The following SNU13 variants were observed in gnomAD, a reference collection of about 807,000 sequenced individuals.
SNU13 encodes small nuclear ribonucleoprotein 13, also known as NHP2-like protein 1.
In SNU13, 2 loss-of-function variants were observed where a neutral mutation model predicts 12.4. The ratio of observed to expected loss-of-function variants is 0.16; its 90% confidence interval spans 0.07 to 0.51. SNU13 has a LOEUF of 0.51. SNU13 is among the 20% of genes least tolerant of loss of function. The pLI, the probability that SNU13 is intolerant of heterozygous loss-of-function variation, is 0.96. For synonymous variants in SNU13, 68 were observed against 66.5 expected, an observed-to-expected ratio of 1.02 and a Z score of -0.11; for missense variants, 66 against 157.8, an observed-to-expected ratio of 0.42 and a Z score of 3.12.
Position 41,680,414 on chromosome 22 carries a change from T to C in SNU13, c.4-50A>G, listed in dbSNP as rs759617435. On this transcript the variant is annotated intron_variant, in intron 1 of 2. Transcript: ENST00000401959. ...AGACAAATTGAGCCAGAAGTTTTCC[T>C]ACCTGAGTCACAAAATACTAATCAA... is the stretch of plus-strand genomic sequence containing the variant. 3.2e-6 allele frequency: 5 copies of C among 1,580,430 alleles called. No individual in the cohort carries two copies. The South Asian group carries it at 5.7e-5, about 18-fold the overall frequency.
chr22:41,677,141 C>T (rs940334244), intron 2 of SNU13, among the ~76,000 whole-genome samples: 2 of 152,142 alleles, frequency 1.3e-5, no homozygotes, highest in South Asian at 2.1e-4. Context: ...ACCTGAGAAA[C>T]GAACACCCAC....
rs770471718 is a variant in SNU13 at position 41,688,841 on chromosome 22, A to T, written c.-45T>A. On this transcript the variant is annotated 5_prime_UTR_variant, in exon 1 of 3. Coordinates refer to ENST00000401959, the MANE Select transcript of SNU13 (RefSeq NM_001003796.2). ...CAGCACTCCTAGGGGAGCGCAGCTG[A>T]CGTTTCAGAAGCACTCGCGTGCACC... is the stretch of plus-strand genomic sequence containing the variant. The T allele has an allele frequency of 6.4e-7, 1 of 1,564,812 alleles. No individual in the cohort carries two copies. Among genetic ancestry groups the T allele is most frequent in the Non-Finnish European group, 8.7e-7 (1 of 1,146,270 alleles).
At chr22:41,682,446 C>G (rs958487411) in intron 1 of SNU13, 2 of 1,608,470 alleles carry the variant, frequency 1.2e-6, no homozygotes, top group African/African-American at 2.7e-5. Context: ...ACCGCAAGGA[C>G]ACGGATGCCC....
intron 1 of SNU13, among the ~76,000 whole-genome samples, chr22:41,684,799 T>A (rs5758412): frequency 0.83 from 126,524 of 152,136 alleles, 53,603 homozygotes; most frequent in African/African-American, 0.95. Context: ...GATTGAGGCC[T>A]GAAGTTTGAG....
chr22:41,685,245 A>G (rs1395813263), intron 1 of SNU13, among the ~76,000 whole-genome samples: 2 of 151,834 alleles, frequency 1.3e-5, no homozygotes, highest in African/African-American at 2.4e-5. Flanking sequence ...GCATGACAAT[A>G]GCTCACTGCA....
chr22:41,685,043 C>A (rs2068299286), intron 1 of SNU13, among the ~76,000 whole-genome samples: 1 of 150,700 alleles, frequency 6.6e-6, no homozygotes, highest in African/African-American at 2.4e-5. Flanking sequence ...GTAATCCCAG[C>A]TACTTGGAGG....
chr22:41,682,408 T>A (rs1377930115), intron 1 of SNU13: 1 of 1,613,616 alleles, frequency 6.2e-7, no homozygotes, highest in Non-Finnish European at 8.5e-7. Flanking sequence ...ATACCACGCG[T>A]GTCGGTTTGG....
intron 1 of SNU13, chr22:41,682,301 G>T: frequency 1.3e-6 from 2 of 1,547,226 alleles, no homozygotes; most frequent in Non-Finnish European, 1.8e-6. Flanking sequence ...CACGCTCGCG[G>T]CACCACAGCT....
At chr22:41,682,242 T>C (rs1419967863) in intron 1 of SNU13, 1 of 1,161,474 alleles carries the variant, frequency 8.6e-7, no homozygotes, top group South Asian at 1.2e-5. Flanking sequence ...ACCGCGCACC[T>C]GCCTTTTCCT....
rs375863830 is a variant in SNU13, at chr22:41,686,327, C to T, written c.3+2467G>A. On this transcript the variant is annotated intron_variant, in intron 1 of 2. Coordinates refer to ENST00000401959, the MANE Select transcript of SNU13 (RefSeq NM_001003796.2). Reference sequence around the variant, plus strand: ...ATCTTTTTTTTTTTTTTTTAAGAGACGGCATCTCCCTCTGTCGCCCAGGCT... The same window carrying T: ...ATCTTTTTTTTTTTTTTTTAAGAGATGGCATCTCCCTCTGTCGCCCAGGCT... Among the ~76,000 whole-genome samples, 60 of 146,680 alleles carry T rather than the reference C, an allele frequency of 4.1e-4. No homozygotes were observed. The East Asian group carries it at 5.9e-3, about 15-fold the overall frequency.
chr22:41,678,961 TGA>T (rs2068237721), intron 2 of SNU13, among the ~76,000 whole-genome samples: 1 of 152,186 alleles, frequency 6.6e-6, no homozygotes, highest in African/African-American at 2.4e-5. Context: ...TCTATTAAAA[TGA>T]GAGTATTCTG....
chr22:41,680,466 C>CCCTG, intron 1 of SNU13, 102 bp from the exon 2 acceptor site: 3 of 1,300,708 alleles, frequency 2.3e-6, no homozygotes, highest in Non-Finnish European at 3.2e-6. Flanking sequence ...GGCAGCTGCC[C>CCCTG]TGCTCCCTAA....
chr22:41,689,016 A>T, upstream of SNU13: 1 of 1,319,522 alleles, frequency 7.6e-7, no homozygotes, highest in African/African-American at 1.5e-5. Flanking sequence ...TGGCGTTCTT[A>T]TGAGCTGCCT....
chr22:41,680,369 G>A lies in SNU13; in HGVS notation c.4-5C>T, dbSNP rs1191077020. ...TGGATTCACATCAGCCTCAGTCTAT[G>A]GGGGGGACATAAAAATATCAGACAA... On this transcript the variant is annotated splice_region_variant and splice_polypyrimidine_tract_variant and intron_variant, in intron 1 of 2. Transcript: ENST00000401959. The A allele has an allele frequency of 6.3e-7, 1 of 1,598,558 alleles. No individual in the cohort carries two copies. Among genetic ancestry groups the A allele is most frequent in the African/African-American group, 1.4e-5 (1 of 71,600 alleles).
chr22:41,685,471 A>G (rs545248544), intron 1 of SNU13, among the ~76,000 whole-genome samples: 159 of 152,016 alleles, frequency 1.0e-3, no homozygotes, highest in African/African-American at 3.5e-3. Flanking sequence ...CTCCTGCCTC[A>G]GCGTCCTGAG....
Position 41,688,800 on chromosome 22 carries a change from T to C in SNU13, c.-4A>G. The C allele has an allele frequency of 1.2e-6, 2 of 1,600,624 alleles. No homozygotes were observed. Among genetic ancestry groups the C allele is most frequent in the Non-Finnish European group, 1.7e-6 (2 of 1,170,326 alleles). On this transcript the variant is annotated 5_prime_UTR_variant, in exon 1 of 3. Transcript: ENST00000401959. Reference sequence around the variant, plus strand: ...GGCCGGCGCACGCACTCACCATGGCTGCGGTTCCGCGGGCTCAGCACTCCT... The same window carrying C: ...GGCCGGCGCACGCACTCACCATGGCCGCGGTTCCGCGGGCTCAGCACTCCT...
chr22:41,679,088 T>C, intron 2 of SNU13, among the ~76,000 whole-genome samples: 1 of 151,470 alleles, frequency 6.6e-6, no homozygotes, highest in East Asian at 1.9e-4. Flanking sequence ...CGAGATTCTG[T>C]CTCCAAAAAA....
At chr22:41,680,985 G>A (rs73887769) in intron 1 of SNU13, among the ~76,000 whole-genome samples, 1,584 of 152,318 alleles carry the variant, frequency 0.01, 28 homozygotes, top group African/African-American at 0.037. Flanking sequence ...GAGGTCAGGA[G>A]TCCATGGGTA....
intron 2 of SNU13, 104 bp downstream of exon 2, chr22:41,680,140 T>C (rs1263371114): frequency 2.2e-6 from 3 of 1,379,382 alleles, no homozygotes; most frequent in Non-Finnish European, 2.9e-6. Flanking sequence ...CTGGTTGTAG[T>C]CGAGAGCAGC....
Sources: allele counts gnomAD v4.1 joint callset (sites outside exome capture counted in the v4.1 genomes callset), GRCh38; gene constraint gnomAD v4.1.1; transcripts MANE v1.5; gene names NCBI Gene and HGNC (gene_info 2026-07-23, HGNC 2026-07-21).